UBE2E2: variants seen among roughly 807,000 people sequenced by gnomAD.
The protein encoded by UBE2E2 is ubiquitin conjugating enzyme E2 E2.
UBE2E2 carries 6 observed loss-of-function variants against 24.7 expected under a neutral mutation model. That is an observed-to-expected ratio of 0.24 (90% CI 0.13 to 0.48). UBE2E2 has a LOEUF of 0.48. Among genes scored for constraint, UBE2E2 ranks in the 20% least tolerant of loss-of-function variants. The pLI is 0.99. For missense variants in UBE2E2, 169 were observed against 245.0 expected (o/e 0.69, Z 2.07); for synonymous variants, 104 against 83.6 (o/e 1.24, Z -1.33).
chr3:23,413,488 C>T (rs770953511), intron 3 of UBE2E2, among the ~76,000 whole-genome samples: 1 of 152,050 alleles, frequency 6.6e-6, no homozygotes, highest in Non-Finnish European at 1.5e-5. Context: ...CCTGCAGTGC[C>T]CCAGCCAGTC....
At chr3:23,226,615 G>C (rs928144468) in intron 3 of UBE2E2, among the ~76,000 whole-genome samples, 1 of 152,144 alleles carries the variant, frequency 6.6e-6, no homozygotes, top group African/African-American at 2.4e-5. Context: ...AAAGGAAATA[G>C]GGATGGCTTT....
intron 4 of UBE2E2, among the ~76,000 whole-genome samples, chr3:23,513,673 A>C (rs1339456810): frequency 2.0e-5 from 3 of 152,156 alleles, no homozygotes; most frequent in African/African-American, 7.2e-5. Context: ...TATACTCCCA[A>C]CTTAGGCACA....
At chr3:23,465,614 G>T (rs1355313186) in intron 3 of UBE2E2, among the ~76,000 whole-genome samples, 2 of 152,170 alleles carry the variant, frequency 1.3e-5, no homozygotes, top group African/African-American at 4.8e-5. Context: ...ACTGGAAGAA[G>T]CAGCTGCTAA....
intron 3 of UBE2E2, among the ~76,000 whole-genome samples, chr3:23,349,084 A>G (rs186335241): frequency 3.0e-4 from 46 of 152,278 alleles, no homozygotes; most frequent in African/African-American, 6.5e-4. Context: ...AGGCAGCTCT[A>G]TGCAGATTTC....
intron 5 of UBE2E2, among the ~76,000 whole-genome samples, chr3:23,542,741 T>G (rs1330705760): frequency 1.3e-5 from 2 of 152,220 alleles, no homozygotes; most frequent in Non-Finnish European, 2.9e-5. Flanking sequence ...AGTATTTAAT[T>G]TTTATTTGAG....
chr3:23,391,751 A>G (rs1322492440), intron 3 of UBE2E2, among the ~76,000 whole-genome samples: 3 of 152,140 alleles, frequency 2.0e-5, no homozygotes, highest in Admixed American at 1.3e-4. Flanking sequence ...AAACAGCCTC[A>G]TCTCAGAGAG....
intron 3 of UBE2E2, among the ~76,000 whole-genome samples, chr3:23,304,034 G>T (rs560153021): frequency 6.6e-6 from 1 of 152,280 alleles, no homozygotes; most frequent in African/African-American, 2.4e-5. Flanking sequence ...TTTAGTCCAC[G>T]ACTGTTGGGT....
intron 1 of UBE2E2, among the ~76,000 whole-genome samples, chr3:23,205,818 C>T (rs189254592): frequency 5.8e-4 from 89 of 152,248 alleles, no homozygotes; most frequent in African/African-American, 2.0e-3. Flanking sequence ...TAATCTTCCT[C>T]TAATATTCGG....
At chr3:23,363,344 G>A (rs1228569944) in intron 3 of UBE2E2, among the ~76,000 whole-genome samples, 2 of 152,134 alleles carry the variant, frequency 1.3e-5, no homozygotes, top group Admixed American at 6.5e-5. Flanking sequence ...TAATTAAAAG[G>A]CACAGAATGA....
intron 4 of UBE2E2, among the ~76,000 whole-genome samples, chr3:23,507,940 C>T (rs1694493884): frequency 6.6e-6 from 1 of 152,170 alleles, no homozygotes; most frequent in African/African-American, 2.4e-5. Context: ...CGTGTTATAT[C>T]TACGTTAAAT....
chr3:23,377,267 T>C (rs1355558558), intron 3 of UBE2E2, among the ~76,000 whole-genome samples: 1 of 152,144 alleles, frequency 6.6e-6, no homozygotes, highest in Non-Finnish European at 1.5e-5. Context: ...TAAAATTGTC[T>C]CATTTAGCAA....
At chr3:23,541,478 A>G (rs996765649) in intron 5 of UBE2E2, among the ~76,000 whole-genome samples, 3 of 152,152 alleles carry the variant, frequency 2.0e-5, no homozygotes, top group African/African-American at 7.2e-5. Flanking sequence ...TTTTCATGTC[A>G]TATTGGTGAA....
chr3:23,468,795 A>G (rs564971824), intron 3 of UBE2E2, among the ~76,000 whole-genome samples: 28 of 152,314 alleles, frequency 1.8e-4, no homozygotes, highest in Non-Finnish European at 3.7e-4. Flanking sequence ...CAAGTCATGC[A>G]TCTCTTGATT....
In UBE2E2 at chr3:23,534,248, A is replaced by C. The variant is rs1214790394; in HGVS notation, c.508+1547A>C. The C allele has an allele frequency of 4.1e-6, 4 of 983,580 alleles. No individual in the cohort carries two copies. In the Admixed American group the frequency reaches 2.5e-4, roughly 61 times the overall value. The allele number at this position is 983,580 out of a possible 1,614,324, so 60.9% of individuals were successfully genotyped here. A position where few individuals can be genotyped will look rare whatever the true frequency, so the allele number is the denominator to read the frequency against. On this transcript the variant is annotated intron_variant, in intron 5 of 5. Coordinates refer to ENST00000396703, the MANE Select transcript of UBE2E2 (RefSeq NM_152653.4). ...GTATATGACAGCCTGTTCTCTCTACAGATATTCCTGCTTAAAGGAATAGAT... is the reference window on the plus strand; with the variant it reads ...GTATATGACAGCCTGTTCTCTCTACCGATATTCCTGCTTAAAGGAATAGAT...
intron 3 of UBE2E2, among the ~76,000 whole-genome samples, chr3:23,353,796 A>T (rs1695841490): frequency 1.4e-5 from 2 of 148,042 alleles, no homozygotes; most frequent in South Asian, 4.4e-4. Flanking sequence ...AATATCGTGA[A>T]AATGGCCATA....
chr3:23,513,197 G>A (rs36082634), intron 4 of UBE2E2, among the ~76,000 whole-genome samples: 1 of 151,498 alleles, frequency 6.6e-6, no homozygotes, highest in Admixed American at 6.6e-5. Context: ...GTAGTGATTT[G>A]CTTTTAAAAC....
chr3:23,335,301 T>C (rs911764304), intron 3 of UBE2E2, among the ~76,000 whole-genome samples: 1 of 152,166 alleles, frequency 6.6e-6, no homozygotes, highest in Non-Finnish European at 1.5e-5. Flanking sequence ...ATGGGGAGAC[T>C]GACCCTGGCT....
intron 4 of UBE2E2, among the ~76,000 whole-genome samples, chr3:23,521,256 A>G (rs1460592163): frequency 6.6e-6 from 1 of 152,242 alleles, no homozygotes; most frequent in Non-Finnish European, 1.5e-5. Context: ...ATGTAAAGAA[A>G]AGAAACGAAA....
intron 3 of UBE2E2, among the ~76,000 whole-genome samples, chr3:23,486,053 T>G (rs1424751191): frequency 6.6e-6 from 1 of 152,116 alleles, no homozygotes; most frequent in Non-Finnish European, 1.5e-5. Flanking sequence ...CCTGCTGGAT[T>G]TGTTCCACCC....
Sources: allele counts gnomAD v4.1 joint callset (sites outside exome capture counted in the v4.1 genomes callset), GRCh38; gene constraint gnomAD v4.1.1; transcripts MANE v1.5; gene names NCBI Gene and HGNC (gene_info 2026-07-23, HGNC 2026-07-21).